Variants in NRG3 observed in about 807,000 individuals in gnomAD.
NRG3 encodes neuregulin 3.
Under a neutral mutation model 66.9 loss-of-function variants are expected in NRG3, and 31 were observed. The ratio of observed to expected loss-of-function variants is 0.46; its 90% CI spans 0.35 to 0.63. The LOEUF (loss-of-function observed/expected upper bound fraction) is 0.63, where lower values mean the gene tolerates loss of function less well. Among genes scored for constraint, NRG3 ranks in the 20% least tolerant of loss-of-function variants. The pLI is 0.00. For synonymous variants in NRG3, 393 were observed against 359.4 expected (o/e 1.09, Z -1.06); for missense variants, 910 against 878.9 (o/e 1.04, Z -0.45).
intron 2 of NRG3, among the ~76,000 whole-genome samples, chr10:82,522,694 C>T (rs1306589535): frequency 3.3e-5 from 5 of 149,998 alleles, no homozygotes; most frequent in African/African-American, 1.2e-4. Flanking sequence ...AGAGGTATGC[C>T]TGTTTACTAA....
At chr10:82,010,497 C>T (rs1308035710) in intron 1 of NRG3, among the ~76,000 whole-genome samples, 1 of 152,134 alleles carries the variant, frequency 6.6e-6, no homozygotes, top group Admixed American at 6.6e-5. Context: ...GTTGCACCCT[C>T]CCTTTTGTGA....
intron 2 of NRG3, among the ~76,000 whole-genome samples, chr10:82,604,799 ATTTCT>A (rs1478217494): frequency 6.6e-6 from 1 of 152,108 alleles, no homozygotes; most frequent in Non-Finnish European, 1.5e-5. Context: ...AAACAGGCAA[ATTTCT>A]TTTTCTTTTT....
rs536329952 is a variant in NRG3, at chr10:82,257,729, T to G, written c.824-101010T>G. 5.3e-5 allele frequency among the ~76,000 whole-genome samples: 8 copies of G among 152,202 alleles called. No individual in the cohort carries two copies. The East Asian group carries it at 1.2e-3, about 22-fold the overall frequency. ...TTGCAGTGAGCCAAGATCACACCAT[T>G]GCCCTTTAGCCTATGTGACAGAGCA... On this transcript the variant is annotated intron_variant, in intron 1 of 8. Coordinates refer to ENST00000372141, the MANE Select transcript of NRG3 (RefSeq NM_001010848.4).
At chr10:82,510,367 G>T (rs1169301988) in intron 2 of NRG3, among the ~76,000 whole-genome samples, 3 of 152,060 alleles carry the variant, frequency 2.0e-5, no homozygotes, top group Non-Finnish European at 4.4e-5. Flanking sequence ...ATAAGCGCAG[G>T]CCCCTTCCAT....
intron 2 of NRG3, among the ~76,000 whole-genome samples, chr10:82,491,539 CT>C (rs1440751437): frequency 3.3e-5 from 5 of 151,404 alleles, no homozygotes; most frequent in African/African-American, 1.2e-4. Flanking sequence ...TATTGCAGAC[CT>C]TTTTTAGCCA....
intron 1 of NRG3, among the ~76,000 whole-genome samples, chr10:81,967,839 A>T (rs2059789458): frequency 6.6e-6 from 1 of 152,174 alleles, no homozygotes; most frequent in Non-Finnish European, 1.5e-5. Flanking sequence ...TTTTGACTGC[A>T]TATGGCTGTA....
intron 1 of NRG3, among the ~76,000 whole-genome samples, chr10:82,311,112 C>CCTAG: frequency 7.0e-6 from 1 of 142,958 alleles, no homozygotes; most frequent in African/African-American, 2.8e-5. Flanking sequence ...CTCTGAGTTG[C>CCTAG]TCTAAGATTG....
chr10:82,706,287 G>A (rs530891403), intron 2 of NRG3, among the ~76,000 whole-genome samples: 10 of 152,258 alleles, frequency 6.6e-5, no homozygotes, highest in African/African-American at 1.7e-4. Flanking sequence ...CCAGGGAGAC[G>A]TGTGAAATTT....
At chr10:82,510,669 T>C (rs887578296) in intron 2 of NRG3, among the ~76,000 whole-genome samples, 3 of 152,194 alleles carry the variant, frequency 2.0e-5, no homozygotes, top group Non-Finnish European at 4.4e-5. Flanking sequence ...AAGAGAGATA[T>C]AAGATGAAGT....
chr10:82,965,857 A>G (rs574252605), intron 6 of NRG3, among the ~76,000 whole-genome samples: 12 of 152,110 alleles, frequency 7.9e-5, no homozygotes, highest in Non-Finnish European at 1.3e-4. Flanking sequence ...TGAGTGGAGT[A>G]TGCATCTTGA....
At chr10:82,782,833 A>G (rs2060176020) in intron 3 of NRG3, among the ~76,000 whole-genome samples, 1 of 152,212 alleles carries the variant, frequency 6.6e-6, no homozygotes, top group Non-Finnish European at 1.5e-5. Flanking sequence ...ATAGAAAAAG[A>G]GGGAATCCTC....
intron 1 of NRG3, among the ~76,000 whole-genome samples, chr10:81,980,244 G>A (rs2060284145): frequency 6.6e-6 from 1 of 151,844 alleles, no homozygotes; most frequent in African/African-American, 2.4e-5. Flanking sequence ...AAGTTCAGTG[G>A]ACTGGAATTG....
At chr10:82,154,340 A>T (rs749880655) in intron 1 of NRG3, among the ~76,000 whole-genome samples, 2 of 152,090 alleles carry the variant, frequency 1.3e-5, no homozygotes, top group Admixed American at 6.6e-5. Flanking sequence ...TGCTTTCCCC[A>T]TTGTATATTC....
At chr10:82,814,239 A>G (rs116213688) in intron 3 of NRG3, among the ~76,000 whole-genome samples, 1,788 of 152,324 alleles carry the variant, frequency 0.012, 34 homozygotes, top group African/African-American at 0.041. Flanking sequence ...CTATTTGTAT[A>G]CACTATTGAG....
intron 2 of NRG3, among the ~76,000 whole-genome samples, chr10:82,582,704 T>A (rs892535068): frequency 6.9e-6 from 1 of 145,318 alleles, no homozygotes; most frequent in Non-Finnish European, 1.6e-5. Flanking sequence ...GTGTGTTTTA[T>A]ACACATATAC....
chr10:82,405,624 C>A lies in NRG3; in HGVS notation c.953+46756C>A, dbSNP rs35661371. ...CAGGGACTACAGGTGTGCATCACCC[C>A]ACCTGGCTAATTTTTGTATTTTTAG... is the stretch of plus-strand genomic sequence containing the variant. On this transcript the variant is annotated intron_variant, in intron 2 of 8. Transcript: ENST00000372141. Among the ~76,000 whole-genome samples, 837 of 152,036 alleles carry A rather than the reference C, an allele frequency of 5.5e-3. 8 individuals are homozygous for A. Among genetic ancestry groups the A allele is most frequent in the African/African-American group, 0.02 (813 of 41,458 alleles).
In NRG3 at chr10:82,979,222, A is replaced by C; in HGVS notation, c.1583+102A>C. The C allele has an allele frequency of 2.5e-6, 3 of 1,213,756 alleles. No homozygotes were observed. The East Asian group carries it at 7.4e-5, about 30-fold the overall frequency. 75.2% of individuals were successfully genotyped at this position (1,213,756 alleles called of 1,614,324 possible). A position where few individuals can be genotyped will look rare whatever the true frequency, so the allele number is the denominator to read the frequency against. ...TGGGGTTTTATTCATTGATTTATTCATTAACTGGCTATATATGCTTACTGC... is the reference window on the plus strand; with the variant it reads ...TGGGGTTTTATTCATTGATTTATTCCTTAACTGGCTATATATGCTTACTGC... On this transcript the variant is annotated intron_variant, in intron 8 of 8. Transcript: ENST00000372141.
chr10:82,480,019 A>G (rs1842128599), intron 2 of NRG3, among the ~76,000 whole-genome samples: 1 of 152,170 alleles, frequency 6.6e-6, no homozygotes, highest in African/African-American at 2.4e-5. Flanking sequence ...CATTTAAAAA[A>G]CGTGTTCTGT....
intron 1 of NRG3, among the ~76,000 whole-genome samples, chr10:81,923,267 G>A (rs1293969608): frequency 5.3e-5 from 8 of 151,892 alleles, no homozygotes; most frequent in Non-Finnish European, 7.4e-5. Context: ...ATGCGGTGGC[G>A]CGATCTCGGC....
Sources: gnomAD v4.1 joint callset for allele counts (sites outside exome capture counted in the v4.1 genomes callset) on GRCh38, gnomAD v4.1.1 for gene constraint, MANE v1.5 for transcripts, NCBI Gene and HGNC (gene_info 2026-07-23, HGNC 2026-07-21) for gene names.